Variants in NRXN3 observed in about 807,000 individuals in gnomAD.
The protein encoded by NRXN3 is neurexin III.
A neutral mutation model predicts 137.6 loss-of-function variants in NRXN3; 32 were observed. The observed-to-expected ratio is 0.23, with a 90% CI of 0.18 to 0.31. The LOEUF is 0.31. Ranked by LOEUF, NRXN3 falls within the 10% of genes least tolerant of loss-of-function variation. The pLI is 1.00. For synonymous variants in NRXN3, 798 were observed against 784.5 expected (o/e 1.02, Z -0.29); for missense variants, 1,574 against 2,062.5 (o/e 0.76, Z 4.59).
At chr14:78,938,311 A>C (rs753346205) in intron 10 of NRXN3, among the ~76,000 whole-genome samples, 9 of 152,158 alleles carry the variant, frequency 5.9e-5, no homozygotes, top group Non-Finnish European at 8.8e-5. Flanking sequence ...TCAAAATCCT[A>C]TGTTCTTTCT....
At chr14:79,575,524 G>A (rs1376338796) in intron 16 of NRXN3, among the ~76,000 whole-genome samples, 1 of 152,148 alleles carries the variant, frequency 6.6e-6, no homozygotes, top group African/African-American at 2.4e-5. Context: ...AATAACTGAA[G>A]AAAGGCTCTA....
chr14:79,136,676 C>G (rs1396084006), intron 15 of NRXN3, among the ~76,000 whole-genome samples: 2 of 152,168 alleles, frequency 1.3e-5, no homozygotes, highest in Admixed American at 1.3e-4. Flanking sequence ...TGCTGGTGTG[C>G]CTGGTGAAAG....
intron 19 of NRXN3, among the ~76,000 whole-genome samples, chr14:79,761,621 A>C (rs956708464): frequency 1.0e-4 from 14 of 136,532 alleles, no homozygotes; most frequent in African/African-American, 3.8e-4. Context: ...TGAACCCGGG[A>C]GGCGGAGCTT....
intron 17 of NRXN3, among the ~76,000 whole-genome samples, chr14:79,677,613 C>CTAA (rs1470716035): frequency 6.6e-6 from 1 of 152,096 alleles, no homozygotes; most frequent in Non-Finnish European, 1.5e-5. Context: ...CAAGTGAAAT[C>CTAA]TAATAGTTTT....
chr14:78,203,608 G>C (rs1006703510), intron 1 of NRXN3, among the ~76,000 whole-genome samples: 1 of 152,202 alleles, frequency 6.6e-6, no homozygotes. Context: ...ACCTCAGTTA[G>C]TGTTGCTTTA....
intron 15 of NRXN3, among the ~76,000 whole-genome samples, chr14:79,214,851 T>G (rs2068235152): frequency 6.6e-6 from 1 of 152,320 alleles, no homozygotes; most frequent in African/African-American, 2.4e-5. Flanking sequence ...AGAAGTTTTC[T>G]CATTTCTTTG....
At chr14:78,456,304 C>A (rs980632955) in intron 4 of NRXN3, among the ~76,000 whole-genome samples, 1 of 152,196 alleles carries the variant, frequency 6.6e-6, no homozygotes, top group Non-Finnish European at 1.5e-5. Context: ...CTCAGGTTTG[C>A]TTCTCTGAGC....
At chr14:79,314,153 C>G (rs2087759845) in intron 15 of NRXN3, 1 of 149,202 alleles carries the variant, frequency 6.7e-6, no homozygotes, top group African/African-American at 2.5e-5. Context: ...ATCTGAGGTA[C>G]CGGGTTCATC....
chr14:78,705,542 A>G (rs1167635609), intron 6 of NRXN3, among the ~76,000 whole-genome samples: 1 of 152,124 alleles, frequency 6.6e-6, no homozygotes, highest in Non-Finnish European at 1.5e-5. Flanking sequence ...ATCCATTTCC[A>G]ACAGAACCCC....
intron 10 of NRXN3, among the ~76,000 whole-genome samples, chr14:78,845,495 TTC>T (rs1353972921): frequency 1.3e-5 from 2 of 152,182 alleles, no homozygotes; most frequent in South Asian, 2.1e-4. Context: ...TCTTGTTTAA[TTC>T]TCTCTTTTTT....
At chr14:79,437,077 C>T (rs1008764779) in intron 15 of NRXN3, among the ~76,000 whole-genome samples, 2 of 152,098 alleles carry the variant, frequency 1.3e-5, no homozygotes, top group Non-Finnish European at 2.9e-5. Context: ...AAGGCCCTTC[C>T]GAATCTATCT....
rs1408086449 is a variant in NRXN3 at position 79,329,830 on chromosome 14, C to T, written c.3263-137391C>T. 3.4e-5 allele frequency among the ~76,000 whole-genome samples: 5 copies of T among 148,272 alleles called. No individual in the cohort carries two copies. In the East Asian group the frequency reaches 6.0e-4, roughly 18 times the overall value. The stretch of plus-strand genomic sequence containing the variant: ...CTGATGGCTTTAGCTACTGAATTAA[C>T]GTGATCAAAAGAGTTTTTTTTTTTT... On this transcript the variant is annotated intron_variant, in intron 15 of 20. Coordinates refer to ENST00000335750, the MANE Select transcript of NRXN3 (RefSeq NM_001330195.2).
chr14:79,459,473 C>A (rs929710456), intron 15 of NRXN3, among the ~76,000 whole-genome samples: 5 of 151,902 alleles, frequency 3.3e-5, no homozygotes, highest in Admixed American at 2.0e-4. Context: ...TGGGAAGATA[C>A]AGGGAGAAGA....
intron 6 of NRXN3, among the ~76,000 whole-genome samples, chr14:78,681,342 T>G (rs1358879923): frequency 1.3e-5 from 2 of 152,200 alleles, no homozygotes; most frequent in Non-Finnish European, 2.9e-5. Context: ...CTTCCAGATT[T>G]GCAAAATGTT....
intron 19 of NRXN3, among the ~76,000 whole-genome samples, chr14:79,754,012 G>C (rs991375031): frequency 6.6e-6 from 1 of 151,864 alleles, no homozygotes; most frequent in Non-Finnish European, 1.5e-5. Flanking sequence ...AAGTACATGG[G>C]AGAGTACTTT....
chr14:78,593,429 C>T (rs2097133659), intron 4 of NRXN3, among the ~76,000 whole-genome samples: 1 of 152,186 alleles, frequency 6.6e-6, no homozygotes, highest in South Asian at 2.1e-4. Flanking sequence ...AGGCCTCAGG[C>T]CCCTCTCTCC....
intron 4 of NRXN3, among the ~76,000 whole-genome samples, chr14:78,473,833 G>T (rs934542148): frequency 1.7e-4 from 26 of 152,278 alleles, no homozygotes; most frequent in African/African-American, 6.0e-4. Flanking sequence ...GACTAATTCT[G>T]CATGTGGACT....
intron 14 of NRXN3, among the ~76,000 whole-genome samples, chr14:78,971,593 A>C (rs535053346): frequency 2.0e-5 from 3 of 152,098 alleles, no homozygotes; most frequent in African/African-American, 7.2e-5. Flanking sequence ...AGGTAAAATA[A>C]AAGGCAAAAG....
chr14:78,977,556 C>G (rs2099472249), intron 14 of NRXN3, among the ~76,000 whole-genome samples: 1 of 152,008 alleles, frequency 6.6e-6, no homozygotes, highest in Admixed American at 6.6e-5. Context: ...AGTTATTTGA[C>G]CTTTGTGACC....
Sources: gnomAD v4.1 joint callset for allele counts (sites outside exome capture counted in the v4.1 genomes callset) on GRCh38, gnomAD v4.1.1 for gene constraint, MANE v1.5 for transcripts, NCBI Gene and HGNC (gene_info 2026-07-23, HGNC 2026-07-21) for gene names.